CSMD1: variants seen among roughly 807,000 people sequenced by gnomAD.
CSMD1 encodes the protein CUB and sushi domain-containing protein 1.
In CSMD1, 213 loss-of-function variants were observed where a neutral mutation model predicts 417.5. The ratio of observed to expected loss-of-function variants is 0.51; its 90% CI spans 0.46 to 0.57. The LOEUF is 0.57. Among genes scored for constraint, CSMD1 ranks in the 20% least tolerant of loss-of-function variants. The pLI is 0.00. For synonymous variants in CSMD1, 2,862 were observed against 1,736.8 expected (o/e 1.65, Z -16.11); for missense variants, 6,923 against 4,529.7 (o/e 1.53, Z -15.17).
rs953431224 is a variant in CSMD1 at position 3,569,490 on chromosome 8, G to A, written c.1344+5455C>T. Reference sequence around the variant, plus strand: ...TTGTATTGACTAAGAGAGAATTGGCGTCGGAAACTGCTTTTCTGTCCTATC... The same window carrying A: ...TTGTATTGACTAAGAGAGAATTGGCATCGGAAACTGCTTTTCTGTCCTATC... On this transcript the variant is annotated intron_variant, in intron 10 of 69. Coordinates refer to ENST00000635120, the MANE Select transcript of CSMD1 (RefSeq NM_033225.6). 3.3e-5 allele frequency among the ~76,000 whole-genome samples: 5 copies of A among 152,116 alleles called. No homozygotes were observed. In the South Asian group the frequency reaches 8.3e-4, roughly 25 times the overall value.
chr8:4,388,551 G>A (rs1014501977), intron 3 of CSMD1, among the ~76,000 whole-genome samples: 2 of 151,738 alleles, frequency 1.3e-5, no homozygotes, highest in African/African-American at 4.8e-5. Flanking sequence ...GGGGACTGAG[G>A]GGGAAGGGTG....
chr8:4,099,094 T>G (rs1801170075), intron 3 of CSMD1, among the ~76,000 whole-genome samples: 1 of 152,058 alleles, frequency 6.6e-6, no homozygotes, highest in African/African-American at 2.4e-5. Context: ...TTTTCATCTG[T>G]TTTTTTCTTT....
intron 2 of CSMD1, among the ~76,000 whole-genome samples, chr8:4,558,964 T>C (rs1798212369): frequency 6.6e-6 from 1 of 152,220 alleles, no homozygotes; most frequent in African/African-American, 2.4e-5. Context: ...TTTGATACTT[T>C]CCCTGACTGA....
At chr8:4,531,566 G>C (rs180752622) in intron 2 of CSMD1, among the ~76,000 whole-genome samples, 1 of 152,120 alleles carries the variant, frequency 6.6e-6, no homozygotes, top group Admixed American at 6.5e-5. Context: ...AAAGTGTTTT[G>C]CCAGATGTAA....
At chr8:3,417,305 T>G (rs1001093302) in intron 12 of CSMD1, among the ~76,000 whole-genome samples, 1 of 152,216 alleles carries the variant, frequency 6.6e-6, no homozygotes, top group Non-Finnish European at 1.5e-5. Context: ...CTGCTGTAGC[T>G]GTTCAGGAAA....
At chr8:3,814,338 GA>G (rs1456752266) in intron 5 of CSMD1, among the ~76,000 whole-genome samples, 1 of 152,154 alleles carries the variant, frequency 6.6e-6, no homozygotes, top group African/African-American at 2.4e-5. Context: ...CCAGTTATCT[GA>G]CCAAGGACAT....
chr8:3,690,439 G>T (rs188485416), intron 7 of CSMD1, among the ~76,000 whole-genome samples: 1 of 152,186 alleles, frequency 6.6e-6, no homozygotes, highest in Admixed American at 6.5e-5. Flanking sequence ...TCTGTATGTG[G>T]GTAAACTGTC....
In CSMD1 at chr8:4,384,944, G is replaced by C. The variant is rs1029022199; in HGVS notation, c.415+35009C>G. Among the ~76,000 whole-genome samples the C allele has an allele frequency of 3.3e-5, 5 of 152,104 alleles. No homozygotes were observed. In the South Asian group the frequency reaches 8.3e-4, roughly 25 times the overall value. On this transcript the variant is annotated intron_variant, in intron 3 of 69. Coordinates refer to ENST00000635120, the MANE Select transcript of CSMD1 (RefSeq NM_033225.6). ...GATCAAGGTAATCATCTTCACATCAGGAAATTTCCTCTGTCACCCAGGATG... is the reference window on the plus strand; with the variant it reads ...GATCAAGGTAATCATCTTCACATCACGAAATTTCCTCTGTCACCCAGGATG...
In CSMD1 at chr8:2,965,792, C is replaced by T. The variant is rs183794032; in HGVS notation, c.9263G>A (p.Ser3088Asn). Residue 3088 changes from serine (S) to asparagine (N), a missense_variant, in exon 59 of 70, where the codon AGC becomes AAC. By Grantham distance (46) the Ser-to-Asn change is conservative (BLOSUM62 1). Coordinates refer to ENST00000635120, the MANE Select transcript of CSMD1 (RefSeq NM_033225.6). ...AAACAAACCTTTGCAGACAGGTTTG[C>T]TCGGATTCCACCTGCCGTCTTTGGT... ...RCTKDGRWNP[S>N]KPVCKAVLCP... is the part of the protein sequence containing the mutation. 1.1e-4 allele frequency: 170 copies of T among 1,607,240 alleles called. No individual in the cohort carries two copies. In the East Asian group the frequency reaches 3.8e-3, roughly 36 times the overall value.
intron 41 of CSMD1, among the ~76,000 whole-genome samples, chr8:3,129,683 T>A (rs1455029804): frequency 4.6e-5 from 6 of 131,750 alleles, no homozygotes. Context: ...CAAAACCATT[T>A]TTTAAAAAAA....
intron 3 of CSMD1, among the ~76,000 whole-genome samples, chr8:4,131,872 C>T (rs1237125599): frequency 1.4e-5 from 2 of 147,284 alleles, no homozygotes; most frequent in South Asian, 2.2e-4. Flanking sequence ...ACGCCATTCT[C>T]CTGCCTTAGT....
intron 6 of CSMD1, among the ~76,000 whole-genome samples, chr8:3,743,331 C>G (rs1449055344): frequency 6.6e-6 from 1 of 152,240 alleles, no homozygotes; most frequent in Non-Finnish European, 1.5e-5. Flanking sequence ...AAGCAACAAA[C>G]AACTTGCTGC....
intron 3 of CSMD1, among the ~76,000 whole-genome samples, chr8:4,236,187 C>T (rs1404532293): frequency 2.0e-5 from 3 of 151,840 alleles, no homozygotes; most frequent in Admixed American, 2.0e-4. Flanking sequence ...CCACGGACAA[C>T]ACATGATGTA....
chr8:3,032,133 T>G (rs1810382256), intron 50 of CSMD1, among the ~76,000 whole-genome samples: 1 of 151,948 alleles, frequency 6.6e-6, no homozygotes, highest in South Asian at 2.1e-4. Context: ...CAATAAATAT[T>G]AATATTAAAG....
At chr8:4,972,966 T>G (rs1448946517) in intron 1 of CSMD1, among the ~76,000 whole-genome samples, 1 of 152,262 alleles carries the variant, frequency 6.6e-6, no homozygotes, top group South Asian at 2.1e-4. Flanking sequence ...ATTTTAAAAA[T>G]TAAAAATCAC....
intron 5 of CSMD1, among the ~76,000 whole-genome samples, chr8:3,839,190 A>C (rs1802933514): frequency 7.9e-6 from 1 of 126,658 alleles, no homozygotes; most frequent in Admixed American, 9.9e-5. Context: ...TATATAATAA[A>C]TAAATTAATA....
chr8:4,793,188 G>T (rs1797786604), intron 1 of CSMD1, among the ~76,000 whole-genome samples: 1 of 151,952 alleles, frequency 6.6e-6, no homozygotes, highest in Non-Finnish European at 1.5e-5. Flanking sequence ...GAGTAATTAT[G>T]AGTAAATAAA....
rs140873819 is a variant in CSMD1, at chr8:3,688,213, G to A, written c.1009+20201C>T. On this transcript the variant is annotated intron_variant, in intron 7 of 69. Coordinates refer to ENST00000635120, the MANE Select transcript of CSMD1 (RefSeq NM_033225.6). ...GACACAATGAATACTTGTTGCATGC[G>A]TAAGTGGGCAAAGATGATAGTATAA... 1.2e-3 allele frequency among the ~76,000 whole-genome samples: 188 copies of A among 152,312 alleles called. 1 individual carries two copies. Among genetic ancestry groups the A allele is most frequent in the Non-Finnish European group, 1.9e-3 (129 of 68,028 alleles).
intron 4 of CSMD1, among the ~76,000 whole-genome samples, chr8:4,022,416 G>C (rs919072043): frequency 2.0e-5 from 3 of 152,076 alleles, no homozygotes; most frequent in Non-Finnish European, 4.4e-5. Context: ...TGTACAGTTT[G>C]TACTTAGCCA....
Sources: allele counts gnomAD v4.1 joint callset (sites outside exome capture counted in the v4.1 genomes callset), GRCh38; gene constraint gnomAD v4.1.1; transcripts MANE v1.5; gene names NCBI Gene and HGNC (gene_info 2026-07-23, HGNC 2026-07-21).